MAST3: variants seen among roughly 807,000 people sequenced by gnomAD.
The protein encoded by MAST3 is microtubule-associated serine/threonine-protein kinase 3.
Under a neutral mutation model 127.0 loss-of-function variants are expected in MAST3, and 43 were observed. The observed-to-expected ratio is 0.34, with a 90% confidence interval of 0.27 to 0.44. The LOEUF is 0.44. Among genes scored for constraint, MAST3 ranks in the 20% least tolerant of loss-of-function variants. The probability of loss-of-function intolerance (pLI) is 1.00; values close to 1 mark genes in which losing one functional copy is unlikely to be tolerated. For synonymous variants in MAST3, 785 were observed against 809.2 expected (o/e 0.97, Z 0.51); for missense variants, 1,390 against 1,919.1 (o/e 0.72, Z 5.15).
Position 18,144,093 on chromosome 19 carries a change from A to T in MAST3, c.2584+86A>T. 1 of 1,489,368 alleles carries T rather than the reference A, an allele frequency of 6.7e-7. No homozygotes were observed. Among genetic ancestry groups the T allele is most frequent in the African/African-American group, 1.4e-5 (1 of 71,582 alleles). 92.3% of individuals were successfully genotyped at this position (1,489,368 alleles called of 1,614,324 possible). ...TTGAGATGGGTTTTCAAGGATGAGT[A>T]GGAGTTCTCCAGAGCCAACAAAGGC... On this transcript the variant is annotated intron_variant, in intron 22 of 27. Transcript: ENST00000687212. The surrounding 1 kb of genome is among the most constrained non-coding windows in gnomAD (Gnocchi z 4.0).
At chr19:18,142,173 G>A (rs1028647308) in intron 21 of MAST3, among the ~76,000 whole-genome samples, 158 bp downstream of exon 21, 1 of 152,006 alleles carries the variant, frequency 6.6e-6, no homozygotes, top group Non-Finnish European at 1.5e-5. Context: ...TGCTCCCTTT[G>A]GCTCTGTGTT....
In MAST3 at chr19:18,145,569, G is replaced by A. The variant is rs919479371; in HGVS notation, c.3040-174G>A. Among the ~76,000 whole-genome samples the A allele has an allele frequency of 6.7e-5, 10 of 150,356 alleles. No homozygotes were observed. Among genetic ancestry groups the A allele is most frequent in the African/African-American group, 2.2e-4 (9 of 40,758 alleles). Reference sequence around the variant, plus strand: ...AGACACAGAAGGCTTTCTGGAGAAGGGGGCGTAGGAGCTGGGGCTTTGATG... The same window carrying A: ...AGACACAGAAGGCTTTCTGGAGAAGAGGGCGTAGGAGCTGGGGCTTTGATG... On this transcript the variant is annotated intron_variant, in intron 24 of 27. Coordinates refer to ENST00000687212, the MANE Select transcript of MAST3 (RefSeq NM_001393504.1). This position sits in a 1 kb window ranked among gnomAD's most constrained non-coding sequence, Gnocchi z 5.9.
intron 21 of MAST3, among the ~76,000 whole-genome samples, chr19:18,143,016 G>A (rs1280088450): frequency 3.3e-5 from 5 of 151,638 alleles, no homozygotes; most frequent in Non-Finnish European, 7.4e-5. Flanking sequence ...GGAGGCTTAG[G>A]CACGAGAATT....
chr19:18,110,394 C>CG lies in MAST3; in HGVS notation c.72-254dup, dbSNP rs1599676374. ...GAGTGTTGGGCAGGGCGGGGGTATGCGGGGTGCAGGGAGGACAGGATGACA... is the reference window on the plus strand; with the variant it reads ...GAGTGTTGGGCAGGGCGGGGGTATGCGGGGGTGCAGGGAGGACAGGATGACA... On this transcript the variant is annotated intron_variant, in intron 2 of 27. Transcript: ENST00000687212. This position sits in a 1 kb window ranked among gnomAD's most constrained non-coding sequence, Gnocchi z 4.3. The CG allele has an allele frequency of 1.0e-6, 1 of 985,388 alleles. No homozygotes were observed. Among genetic ancestry groups the CG allele is most frequent in the East Asian group, 1.1e-4 (1 of 8,820 alleles). 61.0% of individuals were successfully genotyped at this position (985,388 alleles called of 1,614,324 possible).
intron 1 of MAST3, among the ~76,000 whole-genome samples, chr19:18,102,574 G>T (rs11670228): frequency 6.7e-6 from 1 of 150,278 alleles, no homozygotes; most frequent in East Asian, 2.0e-4. Context: ...CTCCGCCTCC[G>T]GGGTTCAAGG....
At chr19:18,127,556 C>T (rs757683831) in intron 11 of MAST3, among the ~76,000 whole-genome samples, 2 of 152,046 alleles carry the variant, frequency 1.3e-5, no homozygotes, top group Non-Finnish European at 1.5e-5. Context: ...TGGTGGCAGG[C>T]GCCTGTAATC....
intron 11 of MAST3, among the ~76,000 whole-genome samples, chr19:18,127,928 G>A (rs1471412352): frequency 6.6e-6 from 1 of 152,144 alleles, no homozygotes. Context: ...AGGCAGATAA[G>A]GCTGAGCAGG....
At position 18,110,539 on chromosome 19, in the gene MAST3, C is replaced by T. The variant is rs530380334; in HGVS notation, c.72-113C>T. The T allele has an allele frequency of 3.0e-5, 25 of 839,522 alleles. 1 individual carries two copies. The South Asian group carries it at 7.0e-4, about 24-fold the overall frequency. The allele number at this position is 839,522 out of a possible 1,614,324, so 52.0% of individuals were successfully genotyped here. On this transcript the variant is annotated intron_variant, in intron 2 of 27. Transcript: ENST00000687212. The surrounding 1 kb of genome is among the most constrained non-coding windows in gnomAD (Gnocchi z 4.3). ...CGTCCTGAGCTGAACCCAGAATCCCCGGTCTTGGGCCCCTACTCCCTGAGG... is the reference window on the plus strand; with the variant it reads ...CGTCCTGAGCTGAACCCAGAATCCCTGGTCTTGGGCCCCTACTCCCTGAGG...
At chr19:18,132,494 G>A (rs1486182147) in intron 15 of MAST3, among the ~76,000 whole-genome samples, 1 of 152,170 alleles carries the variant, frequency 6.6e-6, no homozygotes, top group Non-Finnish European at 1.5e-5. Flanking sequence ...GACAGTGACC[G>A]TGCATGTCTT....
chr19:18,144,789 C>T lies in MAST3; in HGVS notation c.2812+96C>T, dbSNP rs181089026. The T allele has an allele frequency of 1.1e-3, 1,446 of 1,334,212 alleles. 5 individuals carry two copies. Among genetic ancestry groups the T allele is most frequent in the Admixed American group, 1.7e-3 (97 of 55,582 alleles). The allele number at this position is 1,334,212 out of a possible 1,614,324, so 82.6% of individuals were successfully genotyped here. A position where few individuals can be genotyped will look rare whatever the true frequency, so the allele number is the denominator to read the frequency against. ...TGAGTTGGGGAGGCTGGGGATGAGCCCCAGAAGAGGGGAGGAGGAGTAGGA... is the reference window on the plus strand; with the variant it reads ...TGAGTTGGGGAGGCTGGGGATGAGCTCCAGAAGAGGGGAGGAGGAGTAGGA... On this transcript the variant is annotated intron_variant, in intron 23 of 27. Transcript: ENST00000687212. This position sits in a 1 kb window ranked among gnomAD's most constrained non-coding sequence, Gnocchi z 4.0.
At chr19:18,143,086 G>A (rs1004578135) in intron 21 of MAST3, among the ~76,000 whole-genome samples, 17 of 149,804 alleles carry the variant, frequency 1.1e-4, no homozygotes, top group East Asian at 2.0e-4. Flanking sequence ...CACTCCGGCC[G>A]GGGTGACAGA....
intron 1 of MAST3, among the ~76,000 whole-genome samples, chr19:18,098,098 C>G (rs2037153963): frequency 6.6e-6 from 1 of 152,130 alleles, no homozygotes; most frequent in Admixed American, 6.5e-5. Flanking sequence ...CTCTGCCCCT[C>G]CCCACCAGCT....
intron 1 of MAST3, among the ~76,000 whole-genome samples, chr19:18,106,068 T>G (rs887207721): frequency 6.6e-6 from 1 of 152,012 alleles, no homozygotes; most frequent in Non-Finnish European, 1.5e-5. Flanking sequence ...ATACAACTAA[T>G]TGGTAATTTT....
At chr19:18,124,502 CGTG>C (rs1416431265) in intron 10 of MAST3, 136 bp downstream of exon 10, 4 of 1,338,454 alleles carry the variant, frequency 3.0e-6, no homozygotes, top group Non-Finnish European at 4.1e-6. Context: ...ATTGGGCTAG[CGTG>C]GGCTTCCCTA....
At chr19:18,137,194 C>A in intron 18 of MAST3, 45 bp from the exon 19 acceptor site, 1 of 1,567,744 alleles carries the variant, frequency 6.4e-7, no homozygotes, top group Non-Finnish European at 8.6e-7. Context: ...CATCCTGTGG[C>A]GGGTGAGGTG....
Position 18,131,623 on chromosome 19 carries a change from C to G in MAST3, c.1433-286C>G, listed in dbSNP as rs1356308192. On this transcript the variant is annotated intron_variant, in intron 14 of 27. Coordinates refer to ENST00000687212, the MANE Select transcript of MAST3 (RefSeq NM_001393504.1). ...CTGGGGCAGGAGACTCGCTTGAACC[C>G]GGGAGGCGGAGGTTGCAGTGAGCCG... Among the ~76,000 whole-genome samples, 3 of 143,872 alleles carry G rather than the reference C, an allele frequency of 2.1e-5. 1 individual carries two copies. Among genetic ancestry groups the G allele is most frequent in the Non-Finnish European group, 4.7e-5 (3 of 64,282 alleles). The allele number at this position is 143,872 out of a possible 152,430, so 94.4% of individuals were successfully genotyped here. A position where few individuals can be genotyped will look rare whatever the true frequency, so the allele number is the denominator to read the frequency against.
In MAST3 at chr19:18,144,468, G is replaced by T; in HGVS notation, c.2587G>T (p.Asp863Tyr). 1 of 1,562,098 alleles carries T rather than the reference G, an allele frequency of 6.4e-7. No homozygotes were observed. The highest frequency in any genetic ancestry group is 8.7e-7 in the Non-Finnish European group (1 of 1,155,970). Residue 863 changes from aspartate to tyrosine, a missense_variant and splice_region_variant, in exon 23 of 28, where the codon GAC becomes TAC. Asp to Tyr is a radical substitution (Grantham distance 160). This residue lies in a region of MAST3 where 816 missense variants were observed against 934.1 expected (regional missense o/e 0.87). Coordinates refer to ENST00000687212, the MANE Select transcript of MAST3 (RefSeq NM_001393504.1). This position sits in a 1 kb window ranked among gnomAD's most constrained non-coding sequence, Gnocchi z 4.0. Reference protein sequence around the residue: ...VMPKPSSLSADTAALSHARLR... With the variant: ...VMPKPSSLSAYTAALSHARLR... Reference sequence around the variant, plus strand: ...AGCTGACCCTGCTGACCCTCTAGCCGACACAGCTGCTCTCAGCCACGCCCG... The same window carrying T: ...AGCTGACCCTGCTGACCCTCTAGCCTACACAGCTGCTCTCAGCCACGCCCG...
rs771256027 is a variant in MAST3 at position 18,144,575 on chromosome 19, A to G, written c.2694A>G (p.Pro898=). ...GCCGGGGCCGCCGCCTTGGGGGCCC[A>G]AGAGACCCAGCCCCTGAGAAGTCCA... ...DAGRGRRLGG[P]RDPAPEKSRA... is the part of the protein sequence containing the mutation. Residue 898 remains proline, a synonymous_variant, in exon 23 of 28, where the codon CCA becomes CCG. Coordinates refer to ENST00000687212, the MANE Select transcript of MAST3 (RefSeq NM_001393504.1). This position sits in a 1 kb window ranked among gnomAD's most constrained non-coding sequence, Gnocchi z 4.0. The G allele has an allele frequency of 3.1e-6, 5 of 1,610,088 alleles. No homozygotes were observed. The Admixed American group carries it at 5.0e-5, about 16-fold the overall frequency.
chr19:18,135,627 G>A, intron 17 of MAST3, 113 bp from the exon 18 acceptor site: 2 of 783,018 alleles, frequency 2.6e-6, no homozygotes, highest in Middle Eastern at 2.4e-4. Context: ...CAGGGGCAGA[G>A]GAGGCCAGTG....
Sources: allele counts gnomAD v4.1 joint callset (sites outside exome capture counted in the v4.1 genomes callset), GRCh38; gene constraint gnomAD v4.1.1; regional missense constraint gnomAD v4.1.1; non-coding constraint Gnocchi (gnomAD v3.1); transcripts MANE v1.5; gene names NCBI Gene and HGNC (gene_info 2026-07-23, HGNC 2026-07-21).